The following RAP1GDS1 variants were observed in gnomAD, a reference collection of about 807,000 sequenced individuals.
RAP1GDS1 encodes the protein Rap1 GTPase-GDP dissociation stimulator 1.
RAP1GDS1 carries 35 observed loss-of-function variants against 71.1 expected under a neutral mutation model. The observed-to-expected ratio is 0.49, with a 90% confidence interval of 0.38 to 0.65. RAP1GDS1 has a LOEUF of 0.65. Among genes scored for constraint, RAP1GDS1 ranks in the 30% least tolerant of loss-of-function variants. RAP1GDS1 has a pLI of 0.00. For synonymous variants in RAP1GDS1, 229 were observed against 243.1 expected, an observed-to-expected ratio of 0.94 and a Z score of 0.54; for missense variants, 663 against 706.1, an observed-to-expected ratio of 0.94 and a Z score of 0.69.
At chr4:98,416,147 T>A (rs1434489563) in intron 7 of RAP1GDS1, among the ~76,000 whole-genome samples, 1 of 152,072 alleles carries the variant, frequency 6.6e-6, no homozygotes, top group Non-Finnish European at 1.5e-5. Context: ...AATAGTGGAG[T>A]GATACTAGTT....
At chr4:98,431,679 A>G (rs564891590) in intron 12 of RAP1GDS1, among the ~76,000 whole-genome samples, 6 of 152,212 alleles carry the variant, frequency 3.9e-5, no homozygotes, top group African/African-American at 9.7e-5. Context: ...TCCTTCATCT[A>G]TATGAACAGG....
At chr4:98,409,881 A>G in intron 7 of RAP1GDS1, 1 of 169,524 alleles carries the variant, frequency 5.9e-6, no homozygotes, top group Non-Finnish European at 1.3e-5. Flanking sequence ...TTAAAATGTA[A>G]GCTAGGAGAA....
At chr4:98,336,320 A>AT (rs1369718210) in intron 2 of RAP1GDS1, among the ~76,000 whole-genome samples, 2 of 152,094 alleles carry the variant, frequency 1.3e-5, no homozygotes, top group Non-Finnish European at 2.9e-5. Context: ...TAACTCTTAA[A>AT]TTTTTTAGCA....
At position 98,288,329 on chromosome 4, in the gene RAP1GDS1, G is replaced by C. The variant is rs942509250; in HGVS notation, c.5-5079G>C. Among the ~76,000 whole-genome samples the C allele has an allele frequency of 2.0e-4, 31 of 152,056 alleles. 1 individual carries two copies. Among genetic ancestry groups the C allele is most frequent in the South Asian group, 8.3e-4 (4 of 4,822 alleles). ...AGTTTGCTGAGAATGATGGTTTCCA[G>C]CTTCATCCATGTTCCTACAAAGGAC... On this transcript the variant is annotated intron_variant, in intron 1 of 14. Transcript: ENST00000408927.
chr4:98,343,676 A>G (rs1209999541), intron 3 of RAP1GDS1, among the ~76,000 whole-genome samples: 1 of 152,204 alleles, frequency 6.6e-6, no homozygotes, highest in Non-Finnish European at 1.5e-5. Context: ...CGACATTGGC[A>G]CTTCAACAGT....
At chr4:98,297,209 A>G (rs1283828308) in intron 2 of RAP1GDS1, among the ~76,000 whole-genome samples, 2 of 152,094 alleles carry the variant, frequency 1.3e-5, no homozygotes, top group East Asian at 3.9e-4. Context: ...ATTCACTCAC[A>G]TGTTGAATTC....
At chr4:98,355,215 C>A (rs1737778879) in intron 4 of RAP1GDS1, among the ~76,000 whole-genome samples, 2 of 151,986 alleles carry the variant, frequency 1.3e-5, no homozygotes, top group African/African-American at 4.8e-5. Context: ...ATTCATCAAC[C>A]TTCTTCACTC....
At chr4:98,302,903 G>A (rs188935650) in intron 2 of RAP1GDS1, among the ~76,000 whole-genome samples, 18 of 152,188 alleles carry the variant, frequency 1.2e-4, no homozygotes, top group East Asian at 3.9e-4. Context: ...AAAATTAGCC[G>A]AGTCTGGTCA....
chr4:98,373,328 GT>G (rs564999735), intron 4 of RAP1GDS1, among the ~76,000 whole-genome samples: 8 of 151,662 alleles, frequency 5.3e-5, no homozygotes, highest in Admixed American at 3.3e-4. Flanking sequence ...TATTTTTTCT[GT>G]TTTTTTCCCC....
intron 6 of RAP1GDS1, among the ~76,000 whole-genome samples, chr4:98,398,629 G>A (rs1434142611): frequency 6.6e-6 from 1 of 152,034 alleles, no homozygotes; most frequent in African/African-American, 2.4e-5. Context: ...TGTCAAAGTT[G>A]GAAAGGAAAA....
At chr4:98,283,599 T>G (rs889945670) in intron 1 of RAP1GDS1, among the ~76,000 whole-genome samples, 5 of 152,114 alleles carry the variant, frequency 3.3e-5, no homozygotes, top group Non-Finnish European at 7.4e-5. Context: ...CACAGACCCC[T>G]AAGAATTTAA....
chr4:98,300,267 A>G (rs774094815), intron 2 of RAP1GDS1, among the ~76,000 whole-genome samples: 3 of 152,240 alleles, frequency 2.0e-5, no homozygotes, highest in Non-Finnish European at 4.4e-5. Context: ...GCAAAAAGTT[A>G]TGACTTACTG....
chr4:98,307,431 A>T (rs900462289), intron 2 of RAP1GDS1, among the ~76,000 whole-genome samples: 1 of 152,100 alleles, frequency 6.6e-6, no homozygotes, highest in African/African-American at 2.4e-5. Context: ...GAAAAATCCT[A>T]TTGGAATTGT....
In RAP1GDS1 at chr4:98,435,359, A is replaced by G. The variant is rs140122440; in HGVS notation, c.1567+1297A>G. ...CTGTTGGTGACTGGAAGCCTTACCA[A>G]TAACAGTCAGTGAACATATATTTTG... On this transcript the variant is annotated intron_variant, in intron 13 of 14. Transcript: ENST00000408927. Among the ~76,000 whole-genome samples, 1,094 of 152,370 alleles carry G rather than the reference A, an allele frequency of 7.2e-3. 10 individuals are homozygous for G. Among genetic ancestry groups the G allele is most frequent in the African/African-American group, 0.025 (1,046 of 41,576 alleles).
At chr4:98,268,678 A>G (rs1723025259) in intron 1 of RAP1GDS1, among the ~76,000 whole-genome samples, 4 of 152,114 alleles carry the variant, frequency 2.6e-5, no homozygotes, top group Admixed American at 6.6e-5. Flanking sequence ...ACTAACAGCA[A>G]ACTTTCTGAG....
At position 98,317,695 on chromosome 4, in the gene RAP1GDS1, G is replaced by A. The variant is rs934851106; in HGVS notation, c.112+24180G>A. Among the ~76,000 whole-genome samples the A allele has an allele frequency of 2.8e-4, 43 of 152,092 alleles. 2 individuals are homozygous for A. Among genetic ancestry groups the A allele is most frequent in the Admixed American group, 2.7e-3 (41 of 15,266 alleles). Reference sequence around the variant, plus strand: ...CTAAGCTATCATGGAACCTTAAGTGGCCACAGGAGTCGTGCCTTAGTGTGG... The same window carrying A: ...CTAAGCTATCATGGAACCTTAAGTGACCACAGGAGTCGTGCCTTAGTGTGG... On this transcript the variant is annotated intron_variant, in intron 2 of 14. Coordinates refer to ENST00000408927, the MANE Select transcript of RAP1GDS1 (RefSeq NM_001100427.2).
chr4:98,370,924 C>T (rs551886258), intron 4 of RAP1GDS1, among the ~76,000 whole-genome samples: 1 of 152,284 alleles, frequency 6.6e-6, no homozygotes, highest in South Asian at 2.1e-4. Context: ...GGAATAGAAA[C>T]TCTTTGAAAG....
intron 2 of RAP1GDS1, among the ~76,000 whole-genome samples, chr4:98,326,220 AT>A (rs759850502): frequency 6.6e-6 from 1 of 152,166 alleles, no homozygotes; most frequent in Non-Finnish European, 1.5e-5. Flanking sequence ...TCCTCAAAAT[AT>A]TTCATAGTTA....
intron 2 of RAP1GDS1, among the ~76,000 whole-genome samples, chr4:98,315,439 A>G (rs551647318): frequency 4.6e-4 from 70 of 152,240 alleles, no homozygotes; most frequent in African/African-American, 1.6e-3. Context: ...GTGAGTATTG[A>G]AGTAGGGGTA....
Sources: allele counts gnomAD v4.1 joint callset (sites outside exome capture counted in the v4.1 genomes callset), GRCh38; gene constraint gnomAD v4.1.1; transcripts MANE v1.5; gene names NCBI Gene and HGNC (gene_info 2026-07-23, HGNC 2026-07-21).